The following PLS1 variants were observed in gnomAD, a reference collection of about 807,000 sequenced individuals.
PLS1 encodes the protein plastin 1, also known as plastin-1.
A neutral mutation model predicts 73.7 loss-of-function variants in PLS1; 32 were observed. The observed-to-expected ratio is 0.43, with a 90% CI of 0.33 to 0.58. PLS1 has a LOEUF of 0.58. Ranked by LOEUF, PLS1 falls within the 20% of genes least tolerant of loss-of-function variation. The probability of loss-of-function intolerance (pLI) is 0.04; values close to 1 mark genes in which losing one functional copy is unlikely to be tolerated. For synonymous variants in PLS1, 217 were observed against 261.3 expected (o/e 0.83, Z 1.63); for missense variants, 633 against 740.5 (o/e 0.85, Z 1.68).
intron 1 of PLS1, among the ~76,000 whole-genome samples, chr3:142,654,112 A>T (rs910648564): frequency 3.3e-5 from 5 of 152,194 alleles, no homozygotes; most frequent in African/African-American, 1.2e-4. Context: ...TTGCAAATGC[A>T]TGGGAATATA....
chr3:142,640,207 C>T (rs1005192137), intron 1 of PLS1, among the ~76,000 whole-genome samples: 2 of 152,160 alleles, frequency 1.3e-5, no homozygotes, highest in African/African-American at 2.4e-5. Context: ...GATGAATCTA[C>T]TTCACTTCTC....
chr3:142,675,366 T>C (rs2037698533), intron 4 of PLS1, among the ~76,000 whole-genome samples: 1 of 149,644 alleles, frequency 6.7e-6, no homozygotes, highest in Non-Finnish European at 1.5e-5. Context: ...ATCAGTTTTT[T>C]GTTTGTTTTT....
chr3:142,666,306 A>G (rs181564454), intron 2 of PLS1, among the ~76,000 whole-genome samples: 18 of 152,288 alleles, frequency 1.2e-4, no homozygotes, highest in Admixed American at 3.9e-4. Context: ...CCATTAAACA[A>G]TAACTCCCAA....
intron 1 of PLS1, among the ~76,000 whole-genome samples, chr3:142,599,318 ATATTCTTTTTT>A (rs1365769362): frequency 2.3e-5 from 3 of 131,470 alleles, no homozygotes; most frequent in African/African-American, 8.3e-5. Flanking sequence ...AGGGACTCAG[ATATTCTTTTTT>A]TTTTTTTTTT....
At chr3:142,625,741 AGGC>A in intron 1 of PLS1, among the ~76,000 whole-genome samples, 2 of 152,288 alleles carry the variant, frequency 1.3e-5, no homozygotes, top group South Asian at 4.1e-4. Flanking sequence ...TTGGGAGCTG[AGGC>A]GGGTGGATTG....
chr3:142,599,590 A>G lies in PLS1; in HGVS notation c.-37+3081A>G, dbSNP rs1025100261. The stretch of plus-strand genomic sequence containing the variant: ...ATGATCCACCCGCCTCGGCCTCCCA[A>G]AGTGCTGGGATTACAGGCGTGAGCC... On this transcript the variant is annotated intron_variant, in intron 1 of 15. Transcript: ENST00000457734. Among the ~76,000 whole-genome samples the G allele has an allele frequency of 7.2e-5, 11 of 151,998 alleles. 1 individual carries two copies. The South Asian group carries it at 1.7e-3, about 23-fold the overall frequency.
intron 1 of PLS1, among the ~76,000 whole-genome samples, chr3:142,644,871 T>C (rs753758070): frequency 3.7e-4 from 57 of 152,182 alleles, no homozygotes; most frequent in Non-Finnish European, 6.8e-4. Context: ...TGAGAAACAA[T>C]TTCCAGAGTT....
intron 10 of PLS1, among the ~76,000 whole-genome samples, chr3:142,693,347 A>G (rs773850015): frequency 3.8e-4 from 58 of 152,158 alleles, no homozygotes; most frequent in Admixed American, 3.3e-3. Flanking sequence ...TTGGCACTCA[A>G]TGTGAAGATG....
chr3:142,647,357 T>A (rs13069113), intron 1 of PLS1, among the ~76,000 whole-genome samples: 94,740 of 152,032 alleles, frequency 0.62, 29,966 homozygotes, highest in African/African-American at 0.66. Context: ...AGGTGATAAG[T>A]TGCTATAATA....
intron 1 of PLS1, among the ~76,000 whole-genome samples, chr3:142,659,351 T>C (rs1193479687): frequency 6.6e-6 from 1 of 152,122 alleles, no homozygotes; most frequent in Non-Finnish European, 1.5e-5. Flanking sequence ...TATAAATTAT[T>C]TCACTATTTT....
chr3:142,647,442 C>G (rs2036976007), intron 1 of PLS1, among the ~76,000 whole-genome samples: 1 of 151,850 alleles, frequency 6.6e-6, no homozygotes, highest in Non-Finnish European at 1.5e-5. Flanking sequence ...GTTTTTCTCC[C>G]TTAGCTGGGG....
At chr3:142,603,934 G>A (rs1376076709) in intron 1 of PLS1, among the ~76,000 whole-genome samples, 2 of 152,038 alleles carry the variant, frequency 1.3e-5, no homozygotes, top group East Asian at 3.9e-4. Context: ...TGTCTGAGGG[G>A]CTTCTTCATG....
chr3:142,667,412 T>C (rs1285493229), intron 2 of PLS1, among the ~76,000 whole-genome samples: 2 of 152,012 alleles, frequency 1.3e-5, no homozygotes, highest in Non-Finnish European at 2.9e-5. Context: ...AGACTCCGAC[T>C]CAAAAAAAGA....
At chr3:142,596,711 A>G (rs1029056556) in intron 1 of PLS1, among the ~76,000 whole-genome samples, 2 of 152,234 alleles carry the variant, frequency 1.3e-5, no homozygotes, top group African/African-American at 4.8e-5. Flanking sequence ...CAGTGCCCGC[A>G]GGTGTTAAAT....
intron 1 of PLS1, among the ~76,000 whole-genome samples, chr3:142,608,320 A>G (rs1257907712): frequency 6.6e-6 from 1 of 152,252 alleles, no homozygotes; most frequent in Non-Finnish European, 1.5e-5. Context: ...CCTAAAGGTA[A>G]AGCCAAAGAT....
At chr3:142,692,759 C>T (rs2038112509) in intron 10 of PLS1, among the ~76,000 whole-genome samples, 1 of 151,912 alleles carries the variant, frequency 6.6e-6, no homozygotes, top group Non-Finnish European at 1.5e-5. Context: ...ACCATTATGG[C>T]ACTATTAATC....
intron 1 of PLS1, among the ~76,000 whole-genome samples, chr3:142,646,680 T>C (rs910814637): frequency 6.6e-6 from 1 of 152,254 alleles, no homozygotes; most frequent in African/African-American, 2.4e-5. Flanking sequence ...TAGTTCTTAC[T>C]GTGGAGCTCT....
intron 10 of PLS1, among the ~76,000 whole-genome samples, chr3:142,692,842 T>C (rs947098694): frequency 1.3e-5 from 2 of 152,016 alleles, no homozygotes; most frequent in Non-Finnish European, 2.9e-5. Context: ...TAGAAACATA[T>C]ATATATATAT....
At chr3:142,600,717 A>G in intron 1 of PLS1, among the ~76,000 whole-genome samples, 1 of 151,386 alleles carries the variant, frequency 6.6e-6, no homozygotes, top group East Asian at 2.0e-4. Context: ...CATCCTTGCC[A>G]TTGACTTGCA....
Sources: gnomAD v4.1 joint callset for allele counts (sites outside exome capture counted in the v4.1 genomes callset) on GRCh38, gnomAD v4.1.1 for gene constraint, MANE v1.5 for transcripts, NCBI Gene and HGNC (gene_info 2026-07-23, HGNC 2026-07-21) for gene names.